Variants in ZNF626 observed in about 807,000 individuals in gnomAD.
ZNF626 encodes the protein zinc finger protein 626, also known as CTC-513N18.7.
In ZNF626, 4 loss-of-function variants were observed where a neutral mutation model predicts 11.7. The ratio of observed to expected loss-of-function variants is 0.34; its 90% confidence interval spans 0.17 to 0.78. ZNF626 has a LOEUF of 0.78. ZNF626 is among the 30% of genes least tolerant of loss of function. The pLI is 0.57. For missense variants in ZNF626, 588 were observed against 587.1 expected, an observed-to-expected ratio of 1.00 and a Z score of -0.01; for synonymous variants, 179 against 198.6, an observed-to-expected ratio of 0.90 and a Z score of 0.83.
chr19:20,661,316 G>T, intron 1 of ZNF626, 128 bp downstream of exon 1: 1 of 1,290,958 alleles, frequency 7.7e-7, no homozygotes, highest in Non-Finnish European at 1.1e-6. Context: ...AGGCCGAGCT[G>T]AGCAAGGAGA....
At chr19:20,632,804 C>T (rs577905692) in intron 3 of ZNF626, among the ~76,000 whole-genome samples, 9 of 152,306 alleles carry the variant, frequency 5.9e-5, no homozygotes, top group Admixed American at 4.6e-4. Context: ...CATTCTCTGT[C>T]CAGCTTTGTT....
chr19:20,624,355 AATTTCTCTCC>A lies in ZNF626; in HGVS notation c.1512_1521del (p.Glu505LeufsTer4). The A allele has an allele frequency of 7.2e-7, 1 of 1,393,484 alleles. No individual in the cohort carries two copies. Among genetic ancestry groups the A allele is most frequent in the Non-Finnish European group, 9.5e-7 (1 of 1,052,334 alleles). The allele number at this position is 1,393,484 out of a possible 1,614,324, so 86.3% of individuals were successfully genotyped here. A position where few individuals can be genotyped will look rare whatever the true frequency, so the allele number is the denominator to read the frequency against. Reference sequence around the variant, plus strand: ...TTTGCCACATTCTTCACATTTGTAGAATTTCTCTCCAGTATGATTCTCTCATGTGTAGTAA... The same window carrying A: ...TTTGCCACATTCTTCACATTTGTAGAAGTATGATTCTCTCATGTGTAGTAA... On this transcript the variant is annotated frameshift_variant, in exon 4 of 4. Coordinates refer to ENST00000601440, the MANE Select transcript of ZNF626 (RefSeq NM_001076675.3). LOFTEE classifies it low-confidence loss of function (END_TRUNC).
intron 3 of ZNF626, among the ~76,000 whole-genome samples, chr19:20,631,864 A>G (rs1415683473): frequency 2.6e-5 from 4 of 151,868 alleles, no homozygotes; most frequent in African/African-American, 7.3e-5. Context: ...TCGTTAGTTC[A>G]TGCAGTTTCT....
intron 1 of ZNF626, among the ~76,000 whole-genome samples, chr19:20,658,299 T>C (rs1555773329): frequency 6.6e-6 from 1 of 152,112 alleles, no homozygotes; most frequent in Non-Finnish European, 1.5e-5. Flanking sequence ...CGGCAGATTC[T>C]GTATCTAGGG....
chr19:20,653,197 A>T (rs1970166572), intron 1 of ZNF626, among the ~76,000 whole-genome samples: 1 of 152,210 alleles, frequency 6.6e-6, no homozygotes, highest in South Asian at 2.1e-4. Flanking sequence ...ATGTGTTTAT[A>T]TCATGTCTGG....
At chr19:20,633,191 C>T (rs1555770561) in intron 3 of ZNF626, among the ~76,000 whole-genome samples, 1 of 152,172 alleles carries the variant, frequency 6.6e-6, no homozygotes, top group Non-Finnish European at 1.5e-5. Flanking sequence ...GTCAGTCCAC[C>T]CCTACTGGGG....
rs143117831 is a variant in ZNF626 at position 20,648,751 on chromosome 19, T to A, written c.4-2346A>T. Reference sequence around the variant, plus strand: ...GAGCCTCAACATTACATGTTCTCCATCTTTACTAAGGACCACAGTTTTCCC... The same window carrying A: ...GAGCCTCAACATTACATGTTCTCCAACTTTACTAAGGACCACAGTTTTCCC... On this transcript the variant is annotated intron_variant, in intron 1 of 3. Transcript: ENST00000601440. Among the ~76,000 whole-genome samples the A allele has an allele frequency of 8.3e-3, 1,271 of 152,328 alleles. 14 individuals are homozygous for A. Among genetic ancestry groups the A allele is most frequent in the African/African-American group, 0.029 (1,211 of 41,574 alleles).
intron 1 of ZNF626, among the ~76,000 whole-genome samples, chr19:20,646,804 GT>G (rs531044441): frequency 7.2e-4 from 109 of 151,960 alleles, no homozygotes; most frequent in African/African-American, 2.1e-3. Flanking sequence ...CGTTATGCAG[GT>G]TTTTTTTCCC....
intron 3 of ZNF626, among the ~76,000 whole-genome samples, chr19:20,627,758 A>C (rs1242601212): frequency 6.6e-6 from 1 of 152,128 alleles, no homozygotes; most frequent in Non-Finnish European, 1.5e-5. Context: ...CAGAAGTAGA[A>C]TTTCATGTAA....
At chr19:20,633,163 T>C (rs1308943068) in intron 3 of ZNF626, among the ~76,000 whole-genome samples, 1 of 152,032 alleles carries the variant, frequency 6.6e-6, no homozygotes, top group African/African-American at 2.4e-5. Context: ...CTCAGAGGAG[T>C]ACCCGGCCGT....
chr19:20,645,486 A>G (rs782524395), intron 3 of ZNF626, 198 bp downstream of exon 3: 23 of 1,599,618 alleles, frequency 1.4e-5, no homozygotes, highest in South Asian at 6.8e-5. Context: ...ATTTAAAAGC[A>G]TAAGACAGAA....
intron 3 of ZNF626, among the ~76,000 whole-genome samples, chr19:20,640,888 C>T (rs1009620216): frequency 3.9e-5 from 6 of 151,904 alleles, no homozygotes; most frequent in African/African-American, 7.3e-5. Context: ...GGCTCAAGCC[C>T]GTAATCCTAG....
chr19:20,656,391 T>C (rs1043200759), intron 1 of ZNF626, among the ~76,000 whole-genome samples: 1 of 152,138 alleles, frequency 6.6e-6, no homozygotes, highest in Non-Finnish European at 1.5e-5. Context: ...AAAGACTTCA[T>C]GATGAAGCTA....
intron 3 of ZNF626, among the ~76,000 whole-genome samples, chr19:20,628,278 C>A (rs1355465510): frequency 6.6e-6 from 1 of 152,150 alleles, no homozygotes; most frequent in African/African-American, 2.4e-5. Flanking sequence ...GATTTATAAT[C>A]CTTTGGGTAT....
At chr19:20,633,410 C>T (rs1445720937) in intron 3 of ZNF626, among the ~76,000 whole-genome samples, 1 of 152,202 alleles carries the variant, frequency 6.6e-6, no homozygotes, top group Non-Finnish European at 1.5e-5. Context: ...AGGCAGGCCT[C>T]CTTGAGCTGT....
chr19:20,649,705 A>G (rs891160568), intron 1 of ZNF626, among the ~76,000 whole-genome samples: 3 of 152,170 alleles, frequency 2.0e-5, no homozygotes, highest in Non-Finnish European at 2.9e-5. Flanking sequence ...AGCTTTAATG[A>G]GCTTATAAAT....
rs782792666 is a variant in ZNF626 at position 20,646,400 on chromosome 19, T to C, written c.9A>G (p.Pro3=). The change falls in exon 2 of 4, where the codon CCA becomes CCG. Residue 3 remains proline, a synonymous_variant. Coordinates refer to ENST00000601440, the MANE Select transcript of ZNF626 (RefSeq NM_001076675.3). ...CTATGGCCACATCTCTAAATTGCAA[T>C]GGTCCCTGAAAAACACACACACACA... MG[P]LQFRDVAIEF... 6.2e-6 allele frequency: 10 copies of C among 1,613,670 alleles called. No individual in the cohort carries two copies. The South Asian group carries it at 9.9e-5, about 16-fold the overall frequency.
chr19:20,652,797 G>A (rs1970161326), intron 1 of ZNF626, among the ~76,000 whole-genome samples: 1 of 152,172 alleles, frequency 6.6e-6, no homozygotes, highest in African/African-American at 2.4e-5. Flanking sequence ...GGGCTTGAGT[G>A]GCTGGAGTAG....
chr19:20,652,685 GTC>G (rs1306207830), intron 1 of ZNF626, among the ~76,000 whole-genome samples: 5 of 152,020 alleles, frequency 3.3e-5, no homozygotes, highest in Admixed American at 3.3e-4. Flanking sequence ...TTATTTTAAC[GTC>G]TCTGAGTTTG....
Sources: allele counts gnomAD v4.1 joint callset (sites outside exome capture counted in the v4.1 genomes callset), GRCh38; gene constraint gnomAD v4.1.1; transcripts MANE v1.5; gene names NCBI Gene and HGNC (gene_info 2026-07-23, HGNC 2026-07-21).